SRGAP3: variants seen among roughly 807,000 people sequenced by gnomAD.
SRGAP3 encodes SLIT-ROBO Rho GTPase-activating protein 3.
In SRGAP3, 39 loss-of-function variants were observed where a neutral mutation model predicts 121.1. The observed-to-expected ratio is 0.32, with a 90% CI of 0.25 to 0.42. SRGAP3 has a LOEUF of 0.42. Ranked by LOEUF, SRGAP3 falls within the 10% of genes least tolerant of loss-of-function variation. The pLI is 1.00. For synonymous variants in SRGAP3, 601 were observed against 570.0 expected (o/e 1.05, Z -0.77); for missense variants, 1,213 against 1,470.6 (o/e 0.82, Z 2.86).
At chr3:9,240,474 G>A (rs141963506) in intron 1 of SRGAP3, among the ~76,000 whole-genome samples, 32 of 152,110 alleles carry the variant, frequency 2.1e-4, no homozygotes, top group Middle Eastern at 3.4e-3. Flanking sequence ...ATCCTTACCC[G>A]GCTAGACACC....
intron 3 of SRGAP3, among the ~76,000 whole-genome samples, chr3:9,290,164 G>A (rs1954847713): frequency 6.6e-6 from 1 of 152,024 alleles, no homozygotes; most frequent in African/African-American, 2.4e-5. Flanking sequence ...GCAAACACAA[G>A]CCAGTTTGGG....
intron 2 of SRGAP3, among the ~76,000 whole-genome samples, chr3:9,107,171 A>G (rs778458185): frequency 1.3e-5 from 2 of 152,258 alleles, no homozygotes; most frequent in Non-Finnish European, 2.9e-5. Context: ...CTAGAGTAAA[A>G]GCCAGGACAC....
chr3:9,331,508 A>G (rs1403430824), intron 1 of SRGAP3, among the ~76,000 whole-genome samples: 1 of 152,164 alleles, frequency 6.6e-6, no homozygotes, highest in Non-Finnish European at 1.5e-5. Flanking sequence ...CCCAGATATG[A>G]CCACCCACCC....
At chr3:9,064,645 C>T in intron 4 of SRGAP3, 64 bp from the exon 5 acceptor site, 1 of 1,582,346 alleles carries the variant, frequency 6.3e-7, no homozygotes, top group Non-Finnish European at 8.6e-7. Context: ...CTCCCTGTTA[C>T]TCCTGGCTCC....
chr3:9,152,114 C>T (rs575481517), intron 1 of SRGAP3, among the ~76,000 whole-genome samples: 1 of 152,352 alleles, frequency 6.6e-6, no homozygotes, highest in South Asian at 2.1e-4. Context: ...CTGTTTGATT[C>T]ACTGCTGTAT....
intron 5 of SRGAP3, 56 bp downstream of exon 5, chr3:9,064,340 G>A: frequency 1.2e-6 from 2 of 1,610,224 alleles, no homozygotes; most frequent in Admixed American, 3.3e-5. Flanking sequence ...CCAAGACCAT[G>A]GCCCTCCCCT....
At chr3:9,190,657 A>G (rs529504998) in intron 1 of SRGAP3, among the ~76,000 whole-genome samples, 2 of 152,332 alleles carry the variant, frequency 1.3e-5, no homozygotes, top group East Asian at 3.9e-4. Context: ...TTGTTTCATT[A>G]GGTTTTAGTC....
At chr3:9,352,269 AC>A (rs2125295208) in intron 1 of SRGAP3, among the ~76,000 whole-genome samples, 1 of 142,816 alleles carries the variant, frequency 7.0e-6, no homozygotes, top group Non-Finnish European at 1.5e-5. Context: ...GATGTTATGG[AC>A]ATTTTTTTTT....
At chr3:9,085,794 C>T (rs951283933) in intron 3 of SRGAP3, among the ~76,000 whole-genome samples, 2 of 152,256 alleles carry the variant, frequency 1.3e-5, no homozygotes, top group African/African-American at 4.8e-5. Flanking sequence ...GAAAAACACA[C>T]ACTGGGGCCT....
rs570463825 is a variant in SRGAP3, at chr3:9,164,059, G to A, written c.68-39142C>T. ...GTTGCCCAGGCTGGAGTGCAATGGC[G>A]CAATTTCGGCTCACTGCAACCTCCG... On this transcript the variant is annotated intron_variant, in intron 1 of 21. Coordinates refer to ENST00000383836, the MANE Select transcript of SRGAP3 (RefSeq NM_014850.4). Among the ~76,000 whole-genome samples the A allele has an allele frequency of 1.5e-3, 212 of 139,002 alleles. 1 individual carries two copies. Among genetic ancestry groups the A allele is most frequent in the African/African-American group, 4.9e-3 (182 of 36,968 alleles). 91.2% of individuals were successfully genotyped at this position (139,002 alleles called of 152,430 possible).
chr3:8,993,019 A>G lies in SRGAP3; in HGVS notation c.2445T>C (p.Ala815=). 2 of 1,614,204 alleles carry G rather than the reference A, an allele frequency of 1.2e-6. No homozygotes were observed. The highest frequency in any genetic ancestry group is 1.1e-5 in the South Asian group (1 of 91,088). The change falls in exon 20 of 22, where the codon GCT becomes GCC. Residue 815 remains alanine (A), a synonymous_variant. Transcript: ENST00000383836. ...DAFSDSLSQK[A]DSEASSGPLL... ...ATGGCCCACTGCTGGCCTCGCTGTCAGCCTTCTGGCTCAGGCTGTCGGAGA... is the reference window on the plus strand; with the variant it reads ...ATGGCCCACTGCTGGCCTCGCTGTCGGCCTTCTGGCTCAGGCTGTCGGAGA...
intron 1 of SRGAP3, among the ~76,000 whole-genome samples, chr3:9,360,836 A>G: frequency 6.6e-6 from 1 of 152,228 alleles, no homozygotes. Flanking sequence ...TCAAGATGAA[A>G]TTTAGGTGGA....
At position 9,077,975 on chromosome 3, in the gene SRGAP3, G is replaced by C. The variant is rs115614442; in HGVS notation, c.486+2050C>G. Among the ~76,000 whole-genome samples, 845 of 152,300 alleles carry C rather than the reference G, an allele frequency of 5.5e-3. 10 individuals carry two copies. Among genetic ancestry groups the C allele is most frequent in the African/African-American group, 0.019 (810 of 41,554 alleles). ...TCTCAGCCAAGACCTGACTCCCAGG[G>C]AGTTTATACTCCAACATGTTGGGAG... On this transcript the variant is annotated intron_variant, in intron 4 of 21. Coordinates refer to ENST00000383836, the MANE Select transcript of SRGAP3 (RefSeq NM_014850.4).
chr3:9,150,895 G>A (rs561193765), intron 1 of SRGAP3, among the ~76,000 whole-genome samples: 1 of 152,236 alleles, frequency 6.6e-6, no homozygotes, highest in South Asian at 2.1e-4. Context: ...AATGATGGCT[G>A]AACCTCAGTC....
At chr3:8,999,633 TG>T (rs1942628158) in intron 18 of SRGAP3, among the ~76,000 whole-genome samples, 2 of 152,154 alleles carry the variant, frequency 1.3e-5, no homozygotes, top group South Asian at 4.1e-4. Context: ...AGGCTGAGAA[TG>T]TGGGTGTACC....
intron 18 of SRGAP3, among the ~76,000 whole-genome samples, chr3:9,009,903 G>A (rs1371024620): frequency 2.0e-5 from 3 of 152,184 alleles, no homozygotes; most frequent in African/African-American, 4.8e-5. Context: ...CTCAAGGACC[G>A]ACGTCTTGTT....
At chr3:9,146,869 T>A (rs999462852) in intron 1 of SRGAP3, among the ~76,000 whole-genome samples, 1 of 152,200 alleles carries the variant, frequency 6.6e-6, no homozygotes, top group Admixed American at 6.5e-5. Flanking sequence ...GAATTGTTCA[T>A]GTACACGTGA....
chr3:9,285,701 C>T (rs1463601506), intron 3 of SRGAP3, among the ~76,000 whole-genome samples: 1 of 151,104 alleles, frequency 6.6e-6, no homozygotes, highest in Admixed American at 6.6e-5. Context: ...GAAGCTGAGG[C>T]AGGCAGATTA....
intron 1 of SRGAP3, among the ~76,000 whole-genome samples, chr3:9,179,862 A>T (rs1951316743): frequency 6.6e-6 from 1 of 152,242 alleles, no homozygotes; most frequent in Non-Finnish European, 1.5e-5. Context: ...CAAGTGGGAG[A>T]ATCAAGGCTT....
Sources: allele counts gnomAD v4.1 joint callset (sites outside exome capture counted in the v4.1 genomes callset), GRCh38; gene constraint gnomAD v4.1.1; transcripts MANE v1.5; gene names NCBI Gene and HGNC (gene_info 2026-07-23, HGNC 2026-07-21).